The following TDRD7 variants were observed in gnomAD, a reference collection of about 807,000 sequenced individuals.
TDRD7 encodes the protein tudor domain-containing protein 7.
TDRD7 carries 47 observed loss-of-function variants against 109.8 expected under a neutral mutation model. The observed-to-expected ratio is 0.43, with a 90% confidence interval of 0.34 to 0.55. The LOEUF (loss-of-function observed/expected upper bound fraction) is 0.55, where lower values mean the gene tolerates loss of function less well. TDRD7 is among the 20% of genes least tolerant of loss of function. The probability of loss-of-function intolerance (pLI) is 0.03; values close to 1 mark genes in which losing one functional copy is unlikely to be tolerated. For missense variants in TDRD7, 1,164 were observed against 1,319.2 expected, an observed-to-expected ratio of 0.88 and a Z score of 1.82; for synonymous variants, 424 against 457.3, an observed-to-expected ratio of 0.93 and a Z score of 0.93.
At position 97,428,110 on chromosome 9, in the gene TDRD7, T is replaced by C. The variant is rs1283905109; in HGVS notation, c.-6-350T>C. ...CTCACCTCTGTGCACTCGCACATCC[T>C]GTTCCCTTCCTTGGGCTGATACCAC... On this transcript the variant is annotated intron_variant, in intron 1 of 16. Coordinates refer to ENST00000355295, the MANE Select transcript of TDRD7 (RefSeq NM_014290.3). Among the ~76,000 whole-genome samples the C allele has an allele frequency of 2.6e-5, 4 of 152,152 alleles. No homozygotes were observed. In the East Asian group the frequency reaches 7.7e-4, roughly 29 times the overall value.
intron 6 of TDRD7, among the ~76,000 whole-genome samples, chr9:97,453,000 A>AAGCATCCC (rs1350269990): frequency 3.3e-5 from 5 of 152,204 alleles, no homozygotes; most frequent in Non-Finnish European, 4.4e-5. Context: ...CTAAGCAATG[A>AAGCATCCC]AGCATCCCAG....
In TDRD7 at chr9:97,495,709, A is replaced by G; in HGVS notation, c.3123A>G (p.Arg1041=). The change falls in exon 17 of 17, where the codon CGA becomes CGG. Residue 1041 remains arginine (R), a synonymous_variant. Transcript: ENST00000355295. ...CTGAGGAGGCTTCTATGGTGTTTCG[A>G]AATCATGTGGAGAAGAAACCTCTGG... is the stretch of plus-strand genomic sequence containing the variant. ...QWSEEASMVF[R]NHVEKKPLVA... The G allele has an allele frequency of 6.2e-7, 1 of 1,614,200 alleles. No homozygotes were observed. Among genetic ancestry groups the G allele is most frequent in the Non-Finnish European group, 8.5e-7 (1 of 1,180,028 alleles).
intron 13 of TDRD7, among the ~76,000 whole-genome samples, chr9:97,479,501 T>C (rs1038643772): frequency 6.6e-6 from 1 of 152,204 alleles, no homozygotes; most frequent in African/African-American, 2.4e-5. Context: ...TGTGATTGTC[T>C]GAAAGTCCAC....
At chr9:97,439,367 G>T in intron 5 of TDRD7, 49 bp downstream of exon 5, 1 of 1,469,112 alleles carries the variant, frequency 6.8e-7, no homozygotes. Flanking sequence ...CCGGAGTCAA[G>T]AAACATATCT....
chr9:97,487,219 C>T lies in TDRD7; in HGVS notation c.2963C>T (p.Ser988Phe). ...LKGILTNGLV[S>F]VYELDYGKHE... ...GGAATCCTGACCAATGGACTGGTAT[C>T]TGTGTATGAGCTGGATTATGGCAAA... The change falls in exon 16 of 17, where the codon TCT (serine) becomes TTT (phenylalanine). Residue 988 changes from serine to phenylalanine, a missense_variant. Physicochemically the swap from Ser to Phe is radical, Grantham distance 155. Coordinates refer to ENST00000355295, the MANE Select transcript of TDRD7 (RefSeq NM_014290.3). The T allele has an allele frequency of 6.2e-7, 1 of 1,613,988 alleles. No homozygotes were observed. Among genetic ancestry groups the T allele is most frequent in the Non-Finnish European group, 8.5e-7 (1 of 1,179,920 alleles).
rs573869835 is a variant in TDRD7, at chr9:97,450,215, C to T, written c.855+8340C>T. On this transcript the variant is annotated intron_variant, in intron 6 of 16. Coordinates refer to ENST00000355295, the MANE Select transcript of TDRD7 (RefSeq NM_014290.3). ...CGTGAAGTTACAAGTCATGCTAGTT[C>T]CCAGTCGTTGGACTGATGGATTTTT... Among the ~76,000 whole-genome samples, 4 of 152,218 alleles carry T rather than the reference C, an allele frequency of 2.6e-5. No individual in the cohort carries two copies. The East Asian group carries it at 7.7e-4, about 29-fold the overall frequency.
chr9:97,466,579 T>C lies in TDRD7; in HGVS notation c.1629+1551T>C, dbSNP rs571193968. ...ACAGGTGGATCATAAAAACAAATTA[T>C]AGTTTATTCATGTAGTAGAACACTG... On this transcript the variant is annotated intron_variant, in intron 8 of 16. Transcript: ENST00000355295. Among the ~76,000 whole-genome samples the C allele has an allele frequency of 9.8e-5, 15 of 152,314 alleles. 1 individual carries two copies. The highest frequency in any genetic ancestry group is 3.6e-4 in the African/African-American group (15 of 41,570).
chr9:97,481,458 C>A (rs1000945062), intron 14 of TDRD7, among the ~76,000 whole-genome samples: 2 of 152,104 alleles, frequency 1.3e-5, no homozygotes, highest in Non-Finnish European at 2.9e-5. Flanking sequence ...ATCTTTAAAT[C>A]AAAAACATTG....
At chr9:97,417,461 A>G (rs941083788) in intron 1 of TDRD7, among the ~76,000 whole-genome samples, 2 of 152,216 alleles carry the variant, frequency 1.3e-5, no homozygotes, top group African/African-American at 4.8e-5. Flanking sequence ...GCTCTGCTCC[A>G]GGAAAGAGAT....
intron 7 of TDRD7, among the ~76,000 whole-genome samples, chr9:97,464,128 T>G (rs1404459898): frequency 6.6e-6 from 1 of 152,210 alleles, no homozygotes; most frequent in East Asian, 1.9e-4. Context: ...AGATCCAGCA[T>G]CGACCCTCAC....
At chr9:97,471,581 T>A (rs1222432445) in intron 9 of TDRD7, among the ~76,000 whole-genome samples, 2 of 152,002 alleles carry the variant, frequency 1.3e-5, no homozygotes, top group Non-Finnish European at 2.9e-5. Context: ...CTCGGAGGAG[T>A]CTGAATTTTA....
intron 6 of TDRD7, among the ~76,000 whole-genome samples, chr9:97,445,609 A>G (rs1048475911): frequency 6.6e-6 from 1 of 152,194 alleles, no homozygotes; most frequent in African/African-American, 2.4e-5. Context: ...CACCTCAGAC[A>G]AAAGAAACAG....
intron 1 of TDRD7, among the ~76,000 whole-genome samples, chr9:97,417,736 C>T (rs990691515): frequency 1.3e-5 from 2 of 152,222 alleles, no homozygotes; most frequent in Non-Finnish European, 2.9e-5. Flanking sequence ...GCCCTTCCCC[C>T]AAAACCAAAT....
At chr9:97,422,615 G>A (rs1305244122) in intron 1 of TDRD7, among the ~76,000 whole-genome samples, 1 of 152,186 alleles carries the variant, frequency 6.6e-6, no homozygotes, top group African/African-American at 2.4e-5. Context: ...CCCAGTCTTA[G>A]GGAGACAGCA....
rs760986925 is a variant in TDRD7 at position 97,483,035 on chromosome 9, A to G, written c.2599A>G (p.Met867Val). The part of the protein sequence containing the change: ...ADSPNSKNGN[M>V]PMSGNTGENF... ...CTCTCCCAACAGCAAAAATGGCAAC[A>G]TGCCCATGTCGGGCAACACTGGAGA... Residue 867 changes from methionine to valine, a missense_variant, in exon 15 of 17, where the codon ATG becomes GTG. Physicochemically the swap from Met to Val is conservative, Grantham distance 21. This residue lies in a region of TDRD7 where 233 missense variants were observed against 218.0 expected (regional missense o/e 1.07). Coordinates refer to ENST00000355295, the MANE Select transcript of TDRD7 (RefSeq NM_014290.3). 3 of 1,614,074 alleles carry G rather than the reference A, an allele frequency of 1.9e-6. No homozygotes were observed. The East Asian group carries it at 6.7e-5, about 36-fold the overall frequency.
Position 97,487,246 on chromosome 9 carries a change from A to G in TDRD7, c.2990A>G (p.His997Arg). 1.2e-6 allele frequency: 2 copies of G among 1,614,002 alleles called. No individual in the cohort carries two copies. The highest frequency in any genetic ancestry group is 8.5e-7 in the Non-Finnish European group (1 of 1,179,940). Residue 997 changes from histidine (H) to arginine (R), a missense_variant, in exon 16 of 17, where the codon CAC becomes CGC. His to Arg is a conservative substitution (Grantham distance 29). This residue lies in a region of TDRD7 where 162 missense variants were observed against 222.5 expected (regional missense o/e 0.73). Transcript: ENST00000355295. ...VSVYELDYGKHELVNIRKVQP... is the reference protein window; with the variant it reads ...VSVYELDYGKRELVNIRKVQP... ...GTGTATGAGCTGGATTATGGCAAAC[A>G]CGAATTAGTCAACATAAGAAAAGTA... is the stretch of plus-strand genomic sequence containing the variant.
chr9:97,470,610 A>G lies in TDRD7; in HGVS notation c.1682A>G (p.Tyr561Cys), dbSNP rs1828893737. ...GAAAATGTTGAAAAAAGCAAAGCAT[A>G]CAAATTAAACCCGAAGTTTTGTTCA... Reference protein sequence around the residue: ...FSENVEKSKAYKLNPKFCSLS... With the variant: ...FSENVEKSKACKLNPKFCSLS... Residue 561 changes from tyrosine (Y) to cysteine (C), a missense_variant, in exon 9 of 17, where the codon TAC (tyrosine) becomes TGC (cysteine). Transcript: ENST00000355295. 6.2e-7 allele frequency: 1 copy of G among 1,614,038 alleles called. No homozygotes were observed. Among genetic ancestry groups the G allele is most frequent in the Non-Finnish European group, 8.5e-7 (1 of 1,179,956 alleles).
intron 6 of TDRD7, among the ~76,000 whole-genome samples, chr9:97,443,129 T>G (rs1025687898): frequency 4.6e-5 from 7 of 152,156 alleles, no homozygotes; most frequent in African/African-American, 1.7e-4. Flanking sequence ...CACTTTTTCC[T>G]CCACTTGAGT....
At chr9:97,416,003 G>A (rs966790720) in intron 1 of TDRD7, among the ~76,000 whole-genome samples, 7 of 152,002 alleles carry the variant, frequency 4.6e-5, no homozygotes, top group African/African-American at 7.3e-5. Flanking sequence ...TTTCTTTTTC[G>A]TTCACTGCCT....
Sources: gnomAD v4.1 joint callset for allele counts (sites outside exome capture counted in the v4.1 genomes callset) on GRCh38, gnomAD v4.1.1 for gene constraint, gnomAD v4.1.1 regional missense constraint, MANE v1.5 for transcripts, NCBI Gene and HGNC (gene_info 2026-07-23, HGNC 2026-07-21) for gene names.